The following BCL2L14 variants were observed in gnomAD, a reference collection of about 807,000 sequenced individuals.
The protein encoded by BCL2L14 is apoptosis facilitator Bcl-2-like protein 14.
A neutral mutation model predicts 35.3 loss-of-function variants in BCL2L14; 27 were observed. The observed-to-expected ratio is 0.76, with a 90% CI of 0.56 to 1.05. BCL2L14 has a LOEUF of 1.05. Ranked by LOEUF, BCL2L14 falls within the 50% of genes least tolerant of loss-of-function variation. The probability of loss-of-function intolerance (pLI) is 0.00; values close to 1 mark genes in which losing one functional copy is unlikely to be tolerated. For synonymous variants in BCL2L14, 139 were observed against 145.9 expected (o/e 0.95, Z 0.34); for missense variants, 377 against 382.6 (o/e 0.99, Z 0.12).
chr12:12,082,361 G>A (rs1371085766), intron 2 of BCL2L14, among the ~76,000 whole-genome samples: 3 of 152,226 alleles, frequency 2.0e-5, no homozygotes, highest in Non-Finnish European at 4.4e-5. Context: ...ACCCAGCCAT[G>A]GCTTCTTCTG....
intron 2 of BCL2L14, among the ~76,000 whole-genome samples, chr12:12,059,205 G>A (rs77754314): frequency 2.4e-4 from 36 of 152,274 alleles, no homozygotes; most frequent in Admixed American, 9.8e-4. Context: ...ACACAGGGAC[G>A]CCTGCCTTGG....
Position 12,098,972 on chromosome 12 carries a change from A to C in BCL2L14, c.968A>C (p.His323Pro). The C allele has an allele frequency of 1.2e-6, 2 of 1,600,880 alleles. No individual in the cohort carries two copies. The highest frequency in any genetic ancestry group is 1.7e-6 in the Non-Finnish European group (2 of 1,167,842). Residue 323 changes from histidine (H) to proline (P), a missense_variant, in exon 6 of 6, where the codon CAT (histidine) becomes CCT (proline). By Grantham distance (77) the His-to-Pro change is moderately conservative. Transcript: ENST00000308721. ...GGWEKILGIS[H>P]EEVD ...TAGGAAAAAATACTTGGGATATCACATGAAGAAGTAGACTGAAATATCAGA... is the reference window on the plus strand; with the variant it reads ...TAGGAAAAAATACTTGGGATATCACCTGAAGAAGTAGACTGAAATATCAGA...
At chr12:12,090,384 C>G (rs1303447068) in intron 3 of BCL2L14, among the ~76,000 whole-genome samples, 1 of 152,168 alleles carries the variant, frequency 6.6e-6, no homozygotes, top group Non-Finnish European at 1.5e-5. Context: ...AATTCCAGCA[C>G]TTTGGGAGGC....
chr12:12,068,717 T>A (rs1948623082), upstream of BCL2L14, among the ~76,000 whole-genome samples: 5 of 150,988 alleles, frequency 3.3e-5, no homozygotes, highest in South Asian at 1.0e-3. Flanking sequence ...AATCCCAAAA[T>A]TGGGGTTCAG....
chr12:12,053,413 T>A (rs4331198), intron 2 of BCL2L14, among the ~76,000 whole-genome samples: 122,263 of 149,466 alleles, frequency 0.82, 49,634 homozygotes, highest in East Asian at 0.98. Flanking sequence ...CCCTATAACT[T>A]CTTCTTCTTC....
intron 1 of BCL2L14, among the ~76,000 whole-genome samples, chr12:12,051,480 C>T (rs1948357087): frequency 6.6e-6 from 1 of 152,164 alleles, no homozygotes; most frequent in South Asian, 2.1e-4. Context: ...ACTCGCCTCT[C>T]ATGAGGCACC....
chr12:12,087,606 G>A (rs1253662066), intron 3 of BCL2L14, among the ~76,000 whole-genome samples: 1 of 152,218 alleles, frequency 6.6e-6, no homozygotes, highest in Non-Finnish European at 1.5e-5. Flanking sequence ...TCTCTGCTAA[G>A]TAAGAAAGGA....
intron 3 of BCL2L14, among the ~76,000 whole-genome samples, chr12:12,088,740 A>C (rs1323575164): frequency 6.6e-6 from 1 of 152,120 alleles, no homozygotes; most frequent in Non-Finnish European, 1.5e-5. Context: ...CTAAAGAACA[A>C]GGTGAAGGTT....
intron 2 of BCL2L14, among the ~76,000 whole-genome samples, chr12:12,080,836 T>C (rs1234594562): frequency 6.6e-6 from 1 of 152,060 alleles, no homozygotes; most frequent in African/African-American, 2.4e-5. Context: ...CAAAAACAAC[T>C]GAGAAGCATT....
intron 2 of BCL2L14, among the ~76,000 whole-genome samples, chr12:12,052,709 C>G (rs1259083467): frequency 6.6e-6 from 1 of 152,170 alleles, no homozygotes; most frequent in African/African-American, 2.4e-5. Flanking sequence ...CTTCAACATA[C>G]TGATTTCAAT....
At chr12:12,061,831 T>A (rs2909004) in intron 2 of BCL2L14, among the ~76,000 whole-genome samples, 1 of 152,030 alleles carries the variant, frequency 6.6e-6, no homozygotes, top group African/African-American at 2.4e-5. Flanking sequence ...ATAATTCTCA[T>A]AAAAACACAC....
chr12:12,057,208 C>T (rs980794010), intron 2 of BCL2L14, among the ~76,000 whole-genome samples: 1 of 152,166 alleles, frequency 6.6e-6, no homozygotes, highest in African/African-American at 2.4e-5. Context: ...AGGCATTCCA[C>T]GGGAGACTAT....
chr12:12,094,065 C>G (rs1445848474), intron 4 of BCL2L14, among the ~76,000 whole-genome samples: 3 of 150,998 alleles, frequency 2.0e-5, no homozygotes, highest in South Asian at 4.2e-4. Context: ...TGAGACCACA[C>G]CACTGCACTC....
At chr12:12,097,040 G>A (rs1275320561) in intron 5 of BCL2L14, among the ~76,000 whole-genome samples, 1 of 152,176 alleles carries the variant, frequency 6.6e-6, no homozygotes, top group Non-Finnish European at 1.5e-5. Flanking sequence ...GCTACTCAGG[G>A]GGGCTGAGGT....
intron 4 of BCL2L14, among the ~76,000 whole-genome samples, chr12:12,094,107 T>TAA (rs55947114): frequency 0.058 from 8,261 of 142,758 alleles, 308 homozygotes; most frequent in East Asian, 0.1. Flanking sequence ...AACCCTGTCT[T>TAA]AAAAAAAAAA....
At chr12:12,090,203 A>C (rs1007183132) in intron 3 of BCL2L14, among the ~76,000 whole-genome samples, 27 of 152,210 alleles carry the variant, frequency 1.8e-4, no homozygotes, top group African/African-American at 6.3e-4. Flanking sequence ...ACAGCGATGA[A>C]TTTCACAGTG....
At chr12:12,062,035 T>C (rs28851908) in intron 2 of BCL2L14, among the ~76,000 whole-genome samples, 150,159 of 151,944 alleles carry the variant, frequency 0.99, 74,224 homozygotes, top group Non-Finnish European at 1. Flanking sequence ...CTCCGTGCAG[T>C]GGCTGCTGCC....
chr12:12,090,267 G>A (rs1309879116), intron 3 of BCL2L14, among the ~76,000 whole-genome samples: 26 of 152,224 alleles, frequency 1.7e-4, no homozygotes, highest in Admixed American at 1.7e-3. Flanking sequence ...GGAAGGGGCT[G>A]TAGGAGAAAT....
At chr12:12,075,457 G>C (rs887457361) in intron 1 of BCL2L14, among the ~76,000 whole-genome samples, 1 of 142,652 alleles carries the variant, frequency 7.0e-6, no homozygotes, top group African/African-American at 2.6e-5. Context: ...ACGGAGTTTC[G>C]CTGTTGTTGC....
Sources: allele counts gnomAD v4.1 joint callset (sites outside exome capture counted in the v4.1 genomes callset), GRCh38; gene constraint gnomAD v4.1.1; transcripts MANE v1.5; gene names NCBI Gene and HGNC (gene_info 2026-07-23, HGNC 2026-07-21).